The following LYST variants were observed in gnomAD, a reference collection of about 807,000 sequenced individuals.
The protein encoded by LYST is lysosomal-trafficking regulator.
A neutral mutation model predicts 413.6 loss-of-function variants in LYST; 192 were observed. The ratio of observed to expected loss-of-function variants is 0.46; its 90% CI spans 0.41 to 0.52. The LOEUF is 0.52. Ranked by LOEUF, LYST falls within the 20% of genes least tolerant of loss-of-function variation. The pLI, the probability that LYST is intolerant of heterozygous loss-of-function variation, is 0.00. For synonymous variants in LYST, 1,525 were observed against 1,567.3 expected (o/e 0.97, Z 0.64); for missense variants, 3,815 against 4,499.9 (o/e 0.85, Z 4.35).
chr1:235,705,820 C>A (rs1234104355), intron 44 of LYST, among the ~76,000 whole-genome samples: 1 of 152,000 alleles, frequency 6.6e-6, no homozygotes, highest in African/African-American at 2.4e-5. Flanking sequence ...TATACAGGGT[C>A]TCACTCTGTC....
intron 4 of LYST, among the ~76,000 whole-genome samples, chr1:235,811,963 G>A (rs547805636): frequency 1.3e-5 from 2 of 151,920 alleles, no homozygotes; most frequent in South Asian, 2.1e-4. Flanking sequence ...CTTAAAAAAA[G>A]CTCCATGAAA....
intron 1 of LYST, among the ~76,000 whole-genome samples, chr1:235,848,840 C>A (rs906928915): frequency 6.6e-6 from 1 of 151,814 alleles, no homozygotes; most frequent in Non-Finnish European, 1.5e-5. Flanking sequence ...GAATGAGATA[C>A]CCTGAACAGA....
At chr1:235,845,383 A>C (rs1162133462) in intron 1 of LYST, among the ~76,000 whole-genome samples, 3 of 152,270 alleles carry the variant, frequency 2.0e-5, no homozygotes, top group Admixed American at 6.5e-5. Flanking sequence ...CACCACAAGG[A>C]TCCATTGGGA....
At chr1:235,774,186 T>C (rs1283058033) in intron 18 of LYST, among the ~76,000 whole-genome samples, 195 bp from the exon 19 acceptor site, 1 of 152,200 alleles carries the variant, frequency 6.6e-6, no homozygotes, top group Non-Finnish European at 1.5e-5. Context: ...AACTTACAAA[T>C]ATTTTTAAGT....
rs577688164 is a variant in LYST, at chr1:235,821,453, G to GA, written c.193-8393dup. Among the ~76,000 whole-genome samples the GA allele has an allele frequency of 9.5e-3, 1,406 of 148,468 alleles. 11 individuals are homozygous for GA. Among genetic ancestry groups the GA allele is most frequent in the Middle Eastern group, 0.041 (12 of 290 alleles). On this transcript the variant is annotated intron_variant, in intron 3 of 52. Coordinates refer to ENST00000389793, the MANE Select transcript of LYST (RefSeq NM_000081.4). The stretch of plus-strand genomic sequence containing the variant: ...TTTTCTGAGACCCTGCCTCGAAAAA[G>GA]AAAAAAAAAATTGGTTCTTCTAATC...
chr1:235,867,010 G>A (rs905354059), upstream of LYST: 3 of 152,102 alleles, frequency 2.0e-5, no homozygotes, highest in African/African-American at 7.3e-5. Flanking sequence ...AGACCCGCTC[G>A]TCTGCGCGTG....
chr1:235,854,741 A>T lies in LYST; in HGVS notation c.-98+12102T>A, dbSNP rs7537736. Among the ~76,000 whole-genome samples, 67,572 of 152,024 alleles carry T rather than the reference A, an allele frequency of 0.44. 16,247 individuals are homozygous for T. Among genetic ancestry groups the T allele is most frequent in the African/African-American group, 0.61 (25,300 of 41,438 alleles). ...TCAATTATTATTAGATATTATCATC[A>T]TCACCTTGAATCTGGTCCTTCCCCC... On this transcript the variant is annotated intron_variant, in intron 1 of 52. Coordinates refer to ENST00000389793, the MANE Select transcript of LYST (RefSeq NM_000081.4). This position sits in a 1 kb window ranked among gnomAD's most constrained non-coding sequence, Gnocchi z 4.1.
intron 7 of LYST, among the ~76,000 whole-genome samples, chr1:235,803,964 G>A (rs1181198519): frequency 6.6e-6 from 1 of 152,082 alleles, no homozygotes; most frequent in East Asian, 1.9e-4. Flanking sequence ...AGCCAATTAT[G>A]TACCACATAA....
intron 1 of LYST, among the ~76,000 whole-genome samples, chr1:235,842,934 GAC>G (rs1429046676): frequency 6.6e-6 from 1 of 152,002 alleles, no homozygotes; most frequent in African/African-American, 2.4e-5. Context: ...TTATCTTCTT[GAC>G]ACAGAGAACT....
chr1:235,857,930 T>C (rs1038280336), intron 1 of LYST, among the ~76,000 whole-genome samples: 22 of 152,288 alleles, frequency 1.4e-4, no homozygotes, highest in Middle Eastern at 3.4e-3. Context: ...TCATTGTTAT[T>C]CGATTTTATC....
intron 50 of LYST, among the ~76,000 whole-genome samples, chr1:235,673,917 A>T (rs1004492155): frequency 6.6e-6 from 1 of 152,216 alleles, no homozygotes; most frequent in African/African-American, 2.4e-5. Context: ...CACCTTAAAT[A>T]AAAGCGATTG....
intron 50 of LYST, among the ~76,000 whole-genome samples, chr1:235,668,775 A>G (rs1228599496): frequency 6.6e-6 from 1 of 152,238 alleles, no homozygotes; most frequent in African/African-American, 2.4e-5. Flanking sequence ...TCTTGATATG[A>G]CACACTAAAA....
chr1:235,701,712 G>A (rs1242924355), intron 45 of LYST, among the ~76,000 whole-genome samples: 1 of 152,158 alleles, frequency 6.6e-6, no homozygotes, highest in Non-Finnish European at 1.5e-5. Context: ...AGTGATTTGT[G>A]AAGCTTCAAA....
At position 235,830,118 on chromosome 1, in the gene LYST, C is replaced by A. The variant is rs1009889050; in HGVS notation, c.192+108G>T. ...TTTTTTAGTGGAATAATGTGAAAGACTGGACTTTATCTCAAGGAGGCTTCA... is the reference window on the plus strand; with the variant it reads ...TTTTTTAGTGGAATAATGTGAAAGAATGGACTTTATCTCAAGGAGGCTTCA... On this transcript the variant is annotated intron_variant, in intron 3 of 52. Coordinates refer to ENST00000389793, the MANE Select transcript of LYST (RefSeq NM_000081.4). The A allele has an allele frequency of 3.5e-5, 28 of 790,142 alleles. No homozygotes were observed. The African/African-American group carries it at 3.8e-4, about 11-fold the overall frequency. 48.9% of individuals were successfully genotyped at this position (790,142 alleles called of 1,614,324 possible). A position where few individuals can be genotyped will look rare whatever the true frequency, so the allele number is the denominator to read the frequency against.
rs1418026153 is a variant in LYST at position 235,674,950 on chromosome 1, T to C, written c.11038+2141A>G. Among the ~76,000 whole-genome samples, 1 of 152,210 alleles carries C rather than the reference T, an allele frequency of 6.6e-6. No individual in the cohort carries two copies. Among genetic ancestry groups the C allele is most frequent in the Non-Finnish European group, 1.5e-5 (1 of 68,042 alleles). On this transcript the variant is annotated intron_variant, in intron 50 of 52. Coordinates refer to ENST00000389793, the MANE Select transcript of LYST (RefSeq NM_000081.4). The surrounding 1 kb of genome is among the most constrained non-coding windows in gnomAD (Gnocchi z 4.1). ...TTGTAAGTTGCTGCATCATACCTTG[T>C]ATTCGTGGATCAAGGCAAAGGCTTA... is the stretch of plus-strand genomic sequence containing the variant.
At chr1:235,770,033 T>C (rs1668511290) in intron 20 of LYST, 127 bp downstream of exon 20, 1 of 799,622 alleles carries the variant, frequency 1.3e-6, no homozygotes, top group South Asian at 1.6e-5. Context: ...AAGAAGAGAA[T>C]CTGGAGAGAA....
At chr1:235,775,987 A>AATAT (rs1669193654) in intron 17 of LYST, among the ~76,000 whole-genome samples, 2 of 152,180 alleles carry the variant, frequency 1.3e-5, no homozygotes, top group African/African-American at 4.8e-5. Context: ...TAAACATATA[A>AATAT]AGATAAAAAT....
intron 17 of LYST, 98 bp downstream of exon 17, chr1:235,776,965 A>T: frequency 9.9e-7 from 1 of 1,011,022 alleles, no homozygotes; most frequent in Non-Finnish European, 1.5e-6. Context: ...AATATAGTCG[A>T]GTGTAGCTTT....
chr1:235,729,564 A>G (rs1398147798), intron 37 of LYST, 32 bp downstream of exon 37: 3 of 1,440,760 alleles, frequency 2.1e-6, no homozygotes, highest in African/African-American at 2.8e-5. Context: ...GGCAGGGTGA[A>G]TATGTGCAAA....
Sources: gnomAD v4.1 joint callset for allele counts (sites outside exome capture counted in the v4.1 genomes callset) on GRCh38, gnomAD v4.1.1 for gene constraint, Gnocchi (gnomAD v3.1) non-coding constraint, MANE v1.5 for transcripts, NCBI Gene and HGNC (gene_info 2026-07-23, HGNC 2026-07-21) for gene names.